DUS2: variants seen among roughly 807,000 people sequenced by gnomAD.
DUS2 encodes dihydrouridine synthase 2.
Under a neutral mutation model 71.3 loss-of-function variants are expected in DUS2, and 52 were observed. The observed-to-expected ratio is 0.73, with a 90% CI of 0.58 to 0.92. DUS2 has a LOEUF of 0.92. Among genes scored for constraint, DUS2 ranks in the 40% least tolerant of loss-of-function variants. The pLI is 0.00. For missense variants in DUS2, 558 were observed against 622.6 expected (o/e 0.90, Z 1.10); for synonymous variants, 204 against 227.8 (o/e 0.90, Z 0.94).
At chr16:68,027,372 G>A (rs1016315927) in intron 2 of DUS2, among the ~76,000 whole-genome samples, 3 of 152,038 alleles carry the variant, frequency 2.0e-5, no homozygotes, top group African/African-American at 7.2e-5. Flanking sequence ...CCAAGTAGCT[G>A]GGATTACAGG....
At position 68,038,017 on chromosome 16, in the gene DUS2, G is replaced by A. The variant is rs2033558442; in HGVS notation, c.-7G>A. On this transcript the variant is annotated 5_prime_UTR_variant, in exon 3 of 17. Transcript: ENST00000565263. ...TCTTTTTTTTTCAGGCTGTAACAGA[G>A]GAGGAAATGATTTTGAATAGCCTCT... The A allele has an allele frequency of 6.2e-7, 1 of 1,611,976 alleles. No homozygotes were observed. The highest frequency in any genetic ancestry group is 1.3e-5 in the African/African-American group (1 of 74,786).
At chr16:68,035,575 A>G (rs1403066958) in intron 2 of DUS2, among the ~76,000 whole-genome samples, 1 of 150,738 alleles carries the variant, frequency 6.6e-6, no homozygotes, top group Non-Finnish European at 1.5e-5. Flanking sequence ...TTTTTTTGGT[A>G]GAGACTGAGT....
intron 12 of DUS2, among the ~76,000 whole-genome samples, chr16:68,073,241 A>T (rs1237173231): frequency 6.6e-6 from 1 of 152,130 alleles, no homozygotes; most frequent in Non-Finnish European, 1.5e-5. Context: ...AGAGTAGATG[A>T]CCAAGGTCGA....
In DUS2 at chr16:68,070,204, A is replaced by G. The variant is rs548788099; in HGVS notation, c.625A>G (p.Ile209Val). 132 of 1,614,086 alleles carry G rather than the reference A, an allele frequency of 8.2e-5. 1 individual carries two copies. In the South Asian group the frequency reaches 1.4e-3, roughly 17 times the overall value. ...VIKAIADTLS[I>V]PVIANGGSHD... ...CAAAGCCATTGCTGATACCCTCTCCATTCCTGTCATAGCCAAGTAAGCCTC... is the reference window on the plus strand; with the variant it reads ...CAAAGCCATTGCTGATACCCTCTCCGTTCCTGTCATAGCCAAGTAAGCCTC... Residue 209 changes from isoleucine (I) to valine (V), a missense_variant, in exon 11 of 17, where the codon ATT (isoleucine) becomes GTT (valine). Physicochemically the swap from Ile to Val is conservative, Grantham distance 29 (BLOSUM62 3). Transcript: ENST00000565263.
At chr16:68,053,280 G>A (rs1029494696) in intron 4 of DUS2, among the ~76,000 whole-genome samples, 4 of 152,174 alleles carry the variant, frequency 2.6e-5, no homozygotes, top group African/African-American at 7.2e-5. Context: ...CATTTTAAAC[G>A]TTGCAAAATG....
intron 2 of DUS2, among the ~76,000 whole-genome samples, chr16:68,033,824 G>A (rs1363834219): frequency 6.6e-6 from 1 of 151,848 alleles, no homozygotes; most frequent in Non-Finnish European, 1.5e-5. Flanking sequence ...TAGAGATGGG[G>A]TTTCACCATA....
At chr16:68,075,612 C>A in intron 14 of DUS2, 108 bp downstream of exon 14, 1 of 1,176,392 alleles carries the variant, frequency 8.5e-7, no homozygotes, top group Non-Finnish European at 1.1e-6. Flanking sequence ...GTAGGGACCA[C>A]AGGTCTTGTT....
At chr16:68,028,405 GC>G (rs1831028025) in intron 2 of DUS2, among the ~76,000 whole-genome samples, 1 of 152,090 alleles carries the variant, frequency 6.6e-6, no homozygotes, top group African/African-American at 2.4e-5. Flanking sequence ...GGAGGCCAAG[GC>G]GGGTGAATCA....
chr16:68,057,006 A>C (rs1338686494), intron 7 of DUS2, among the ~76,000 whole-genome samples: 4 of 139,602 alleles, frequency 2.9e-5, no homozygotes, highest in Non-Finnish European at 4.6e-5. Context: ...TAAATATATA[A>C]TATATAATTA....
intron 11 of DUS2, 108 bp from the exon 12 acceptor site, chr16:68,070,832 G>C: frequency 1.6e-6 from 2 of 1,216,288 alleles, no homozygotes; most frequent in Non-Finnish European, 2.3e-6. Flanking sequence ...GAAGGGACTT[G>C]GCCAAATTCA....
chr16:68,065,838 G>A (rs530230095), intron 8 of DUS2, among the ~76,000 whole-genome samples: 4 of 151,138 alleles, frequency 2.6e-5, no homozygotes, highest in Admixed American at 1.3e-4. Flanking sequence ...TCTTAACCAA[G>A]GCTAGGCCTC....
chr16:68,057,046 A>G (rs1200568699), intron 7 of DUS2, among the ~76,000 whole-genome samples: 3 of 131,412 alleles, frequency 2.3e-5, no homozygotes, highest in Non-Finnish European at 4.7e-5. Flanking sequence ...TGTAATATAT[A>G]TTTATATATA....
At chr16:68,034,023 C>T (rs569243414) in intron 2 of DUS2, among the ~76,000 whole-genome samples, 81 of 152,024 alleles carry the variant, frequency 5.3e-4, no homozygotes, top group African/African-American at 1.8e-3. Context: ...CCACCTTGGC[C>T]TCCCAAAGTG....
chr16:68,050,738 T>C (rs2033767723), intron 4 of DUS2, among the ~76,000 whole-genome samples: 1 of 152,146 alleles, frequency 6.6e-6, no homozygotes, highest in African/African-American at 2.4e-5. Context: ...ATACAACACG[T>C]GTTGTTTTGC....
chr16:68,042,510 A>G (rs994695820), intron 3 of DUS2, among the ~76,000 whole-genome samples: 10 of 151,946 alleles, frequency 6.6e-5, no homozygotes, highest in Admixed American at 2.0e-4. Flanking sequence ...CGGTTTCTCT[A>G]CATCCTCAAA....
intron 6 of DUS2, among the ~76,000 whole-genome samples, chr16:68,055,407 T>C (rs1264846021): frequency 2.0e-5 from 3 of 151,984 alleles, no homozygotes; most frequent in Non-Finnish European, 4.4e-5. Flanking sequence ...TGAGCCTCCA[T>C]TGCGCCACTG....
chr16:68,035,413 T>C (rs2033503126), intron 2 of DUS2, among the ~76,000 whole-genome samples: 1 of 152,046 alleles, frequency 6.6e-6, no homozygotes, highest in African/African-American at 2.4e-5. Context: ...TCTTTTTCCT[T>C]GCTCTGTTGC....
At chr16:68,046,096 A>G (rs950648427) in intron 3 of DUS2, among the ~76,000 whole-genome samples, 14 of 152,156 alleles carry the variant, frequency 9.2e-5, no homozygotes, top group Admixed American at 5.9e-4. Flanking sequence ...ATTTGTTACA[A>G]GGGTACCATG....
At chr16:68,023,404 G>A (rs2033290582) in intron 1 of DUS2, 53 bp downstream of exon 1, 3 of 654,224 alleles carry the variant, frequency 4.6e-6, no homozygotes, top group Non-Finnish European at 2.6e-6. Flanking sequence ...CAGCCTTGGG[G>A]AAGGGCGCGT....
Sources: gnomAD v4.1 joint callset for allele counts (sites outside exome capture counted in the v4.1 genomes callset) on GRCh38, gnomAD v4.1.1 for gene constraint, MANE v1.5 for transcripts, NCBI Gene and HGNC (gene_info 2026-07-23, HGNC 2026-07-21) for gene names.